PLEKHA7: variants seen among roughly 807,000 people sequenced by gnomAD.
PLEKHA7 encodes the protein pleckstrin homology domain-containing family A member 7.
PLEKHA7 carries 104 observed loss-of-function variants against 170.0 expected under a neutral mutation model. The ratio of observed to expected loss-of-function variants is 0.61; its 90% confidence interval spans 0.52 to 0.72. PLEKHA7 has a LOEUF of 0.72. PLEKHA7 is among the 30% of genes least tolerant of loss of function. PLEKHA7 has a pLI of 0.00. For missense variants in PLEKHA7, 1,615 were observed against 1,671.7 expected (o/e 0.97, Z 0.59); for synonymous variants, 648 against 660.8 (o/e 0.98, Z 0.30).
Position 16,948,282 on chromosome 11 carries a change from A to T in PLEKHA7, c.221+65707T>A, listed in dbSNP as rs191210251. 8.5e-5 allele frequency among the ~76,000 whole-genome samples: 13 copies of T among 152,346 alleles called. No homozygotes were observed. The East Asian group carries it at 2.5e-3, about 29-fold the overall frequency. On this transcript the variant is annotated intron_variant, in intron 3 of 26. Transcript: ENST00000531066. ...CCTCATGGTGAGTACAGTAAATAAC[A>T]ATATATCGTATACTCAAAAATTGCT...
intron 8 of PLEKHA7, among the ~76,000 whole-genome samples, 193 bp from the exon 9 acceptor site, chr11:16,841,915 G>C (rs1851996122): frequency 1.4e-5 from 2 of 147,816 alleles, no homozygotes; most frequent in Non-Finnish European, 3.0e-5. Flanking sequence ...ACAGCTGTCT[G>C]TTCCCCAAAG....
At position 17,014,414 on chromosome 11, in the gene PLEKHA7, C is replaced by G; in HGVS notation, c.-13G>C. The G allele has an allele frequency of 1.1e-6, 1 of 907,896 alleles. No homozygotes were observed. The highest frequency in any genetic ancestry group is 1.5e-6 in the Non-Finnish European group (1 of 684,838). The allele number at this position is 907,896 out of a possible 1,614,324, so 56.2% of individuals were successfully genotyped here. A position where few individuals can be genotyped will look rare whatever the true frequency, so the allele number is the denominator to read the frequency against. On this transcript the variant is annotated 5_prime_UTR_variant, in exon 1 of 27. Transcript: ENST00000531066. ...TCGCCGCCGCCATGTTCGCCGAGCG[C>G]GGAGCCGCCGCGGGGTGGGGGGGAG...
At chr11:16,990,310 T>G in intron 3 of PLEKHA7, among the ~76,000 whole-genome samples, 1 of 70,640 alleles carries the variant, frequency 1.4e-5, no homozygotes. Context: ...CTTCTCCCTG[T>G]TCCCAGGTAA....
At chr11:16,832,568 A>G (rs1181717692) in intron 9 of PLEKHA7, among the ~76,000 whole-genome samples, 1 of 152,156 alleles carries the variant, frequency 6.6e-6, no homozygotes, top group Non-Finnish European at 1.5e-5. Flanking sequence ...TCAGGCAATG[A>G]GGAATATTTC....
intron 18 of PLEKHA7, 59 bp from the exon 19 acceptor site, chr11:16,794,773 G>A: frequency 1.3e-6 from 2 of 1,565,628 alleles, no homozygotes; most frequent in South Asian, 1.1e-5. Context: ...TTCCTTGGAG[G>A]ATGAGTGGAG....
intron 3 of PLEKHA7, among the ~76,000 whole-genome samples, chr11:16,906,255 GA>G (rs1857665675): frequency 9.0e-6 from 1 of 111,292 alleles, no homozygotes; most frequent in Admixed American, 9.9e-5. Context: ...AGGAAGGAAG[GA>G]AGGAAGGAAG....
chr11:16,830,036 T>G (rs532545608), intron 9 of PLEKHA7, among the ~76,000 whole-genome samples: 33 of 152,196 alleles, frequency 2.2e-4, no homozygotes, highest in African/African-American at 7.9e-4. Flanking sequence ...TGGAATGCAC[T>G]AGCGTGAACA....
At chr11:16,992,082 C>CG (rs978762526) in intron 3 of PLEKHA7, among the ~76,000 whole-genome samples, 4 of 152,092 alleles carry the variant, frequency 2.6e-5, no homozygotes, top group African/African-American at 9.7e-5. Context: ...GGGACCCCCC[C>CG]CAGCCTGGGC....
chr11:16,790,597 G>T, intron 21 of PLEKHA7: 1 of 585,678 alleles, frequency 1.7e-6, no homozygotes, highest in South Asian at 2.1e-5. Flanking sequence ...GGGGACAGAT[G>T]TAACAAAAGA....
At chr11:16,818,791 C>CTTT (rs11401977) in intron 10 of PLEKHA7, among the ~76,000 whole-genome samples, 1 of 148,650 alleles carries the variant, frequency 6.7e-6, no homozygotes. Flanking sequence ...TATTTTCTTT[C>CTTT]TTTTTTTTTT....
rs528145913 is a variant in PLEKHA7 at position 16,791,649 on chromosome 11, C to T, written c.2746-450G>A. 1.9e-4 allele frequency: 87 copies of T among 459,790 alleles called. 2 individuals carry two copies. The highest frequency in any genetic ancestry group is 1.0e-3 in the South Asian group (65 of 64,610). 28.5% of individuals were successfully genotyped at this position (459,790 alleles called of 1,614,324 possible). A position where few individuals can be genotyped will look rare whatever the true frequency, so the allele number is the denominator to read the frequency against. The stretch of plus-strand genomic sequence containing the variant: ...CCTGAGCCGGCTCATTGGCCCTACA[C>T]GAGCTCTGGCGCCTTCAGCAAGGTG... On this transcript the variant is annotated intron_variant, in intron 19 of 26. Coordinates refer to ENST00000531066, the MANE Select transcript of PLEKHA7 (RefSeq NM_001329630.2). The surrounding 1 kb of genome is among the most constrained non-coding windows in gnomAD (Gnocchi z 4.5).
intron 3 of PLEKHA7, among the ~76,000 whole-genome samples, chr11:16,923,385 G>C (rs1427221483): frequency 1.3e-5 from 2 of 152,228 alleles, no homozygotes; most frequent in Non-Finnish European, 2.9e-5. Flanking sequence ...TGTTAGGGGA[G>C]GGCTGCCATG....
At chr11:16,954,807 C>T (rs967268480) in intron 3 of PLEKHA7, among the ~76,000 whole-genome samples, 1 of 151,842 alleles carries the variant, frequency 6.6e-6, no homozygotes, top group African/African-American at 2.4e-5. Flanking sequence ...TCTCCTGCTT[C>T]AGCCTCCGGA....
At chr11:16,811,612 T>C (rs116278345) in intron 13 of PLEKHA7, among the ~76,000 whole-genome samples, 1,978 of 152,302 alleles carry the variant, frequency 0.013, 41 homozygotes, top group African/African-American at 0.046. Flanking sequence ...CTTGAGCATT[T>C]TGAATCCTGA....
At chr11:16,822,711 T>C (rs954561226) in intron 10 of PLEKHA7, among the ~76,000 whole-genome samples, 2 of 152,074 alleles carry the variant, frequency 1.3e-5, no homozygotes, top group African/African-American at 4.8e-5. Context: ...CAGTGTTCTG[T>C]TGTTGGCCCT....
intron 3 of PLEKHA7, among the ~76,000 whole-genome samples, chr11:16,934,246 T>C (rs1860134972): frequency 6.6e-6 from 1 of 152,136 alleles, no homozygotes; most frequent in South Asian, 2.1e-4. Context: ...GCCATGATAA[T>C]GAAAGGGTTT....
intron 6 of PLEKHA7, 112 bp from the exon 7 acceptor site, chr11:16,852,467 T>G: frequency 1.3e-6 from 1 of 778,358 alleles, no homozygotes. Flanking sequence ...CACTCTTTGT[T>G]TTAATAAATT....
At chr11:16,936,986 CT>C (rs1321735249) in intron 3 of PLEKHA7, among the ~76,000 whole-genome samples, 1 of 152,242 alleles carries the variant, frequency 6.6e-6, no homozygotes, top group African/African-American at 2.4e-5. Context: ...TTCCCTCCCC[CT>C]GAGCCTCAGT....
At chr11:16,793,779 C>G (rs1179559336) in intron 19 of PLEKHA7, among the ~76,000 whole-genome samples, 1 of 152,216 alleles carries the variant, frequency 6.6e-6, no homozygotes, top group Non-Finnish European at 1.5e-5. Context: ...CTTTCTATGC[C>G]AGGCAAACCA....
Sources: allele counts gnomAD v4.1 joint callset (sites outside exome capture counted in the v4.1 genomes callset), GRCh38; gene constraint gnomAD v4.1.1; non-coding constraint Gnocchi (gnomAD v3.1); transcripts MANE v1.5; gene names NCBI Gene and HGNC (gene_info 2026-07-23, HGNC 2026-07-21).